The following GRIN2A variants were observed in gnomAD, a reference collection of about 807,000 sequenced individuals.
GRIN2A encodes the protein glutamate ionotropic receptor NMDA type subunit 2A, also known as glutamate receptor ionotropic, NMDA 2A.
A neutral mutation model predicts 113.4 loss-of-function variants in GRIN2A; 22 were observed. The ratio of observed to expected loss-of-function variants is 0.19; its 90% CI spans 0.14 to 0.28. The LOEUF (loss-of-function observed/expected upper bound fraction) is 0.28, where lower values mean the gene tolerates loss of function less well. Ranked by LOEUF, GRIN2A falls within the 10% of genes least tolerant of loss-of-function variation. The pLI is 1.00. For missense variants in GRIN2A, 1,502 were observed against 1,887.0 expected (o/e 0.80, Z 3.78); for synonymous variants, 827 against 738.4 (o/e 1.12, Z -1.94).
chr16:9,999,346 G>T (rs184386740), intron 2 of GRIN2A, among the ~76,000 whole-genome samples: 1 of 152,134 alleles, frequency 6.6e-6, no homozygotes, highest in African/African-American at 2.4e-5. Context: ...TAAGAATCAA[G>T]CTGTCCATCA....
intron 5 of GRIN2A, among the ~76,000 whole-genome samples, chr16:9,841,313 T>C (rs542802853): frequency 9.2e-5 from 14 of 152,328 alleles, no homozygotes; most frequent in Non-Finnish European, 1.8e-4. Context: ...CTAACACTTA[T>C]TGAGTAATTA....
intron 2 of GRIN2A, among the ~76,000 whole-genome samples, chr16:10,084,863 T>C (rs2142065249): frequency 6.6e-6 from 1 of 152,286 alleles, no homozygotes; most frequent in South Asian, 2.1e-4. Flanking sequence ...GGTCAGTGCC[T>C]GATACATAGT....
intron 2 of GRIN2A, among the ~76,000 whole-genome samples, chr16:10,076,221 C>T (rs1178118363): frequency 6.6e-6 from 1 of 152,154 alleles, no homozygotes; most frequent in Non-Finnish European, 1.5e-5. Flanking sequence ...GTCTGTCCTG[C>T]TGCTTGTGTT....
intron 2 of GRIN2A, among the ~76,000 whole-genome samples, chr16:9,973,796 A>C (rs72772157): frequency 1.3e-5 from 2 of 152,248 alleles, no homozygotes; most frequent in South Asian, 2.1e-4. Flanking sequence ...GGGAAAAAAA[A>C]CAAATTCTAT....
intron 2 of GRIN2A, among the ~76,000 whole-genome samples, chr16:9,942,531 C>T (rs1285055250): frequency 6.6e-6 from 1 of 152,158 alleles, no homozygotes; most frequent in African/African-American, 2.4e-5. Flanking sequence ...TCTGTCCACG[C>T]CTGACTTTGA....
At chr16:10,168,962 T>C (rs2049981669) in intron 2 of GRIN2A, among the ~76,000 whole-genome samples, 1 of 135,336 alleles carries the variant, frequency 7.4e-6, no homozygotes, top group African/African-American at 2.9e-5. Context: ...CAAAACTCTG[T>C]CTCAAATAAT....
chr16:9,974,655 G>C (rs2045740906), intron 2 of GRIN2A, among the ~76,000 whole-genome samples: 2 of 152,184 alleles, frequency 1.3e-5, no homozygotes, highest in South Asian at 4.1e-4. Context: ...TGCTACAAGG[G>C]GAATGAGTAG....
At chr16:9,867,508 C>T (rs2043180222) in intron 4 of GRIN2A, among the ~76,000 whole-genome samples, 1 of 152,188 alleles carries the variant, frequency 6.6e-6, no homozygotes, top group Non-Finnish European at 1.5e-5. Flanking sequence ...TCTCCTCTAG[C>T]CTAACACGCA....
intron 2 of GRIN2A, among the ~76,000 whole-genome samples, chr16:10,134,373 GT>G (rs902024072): frequency 1.3e-5 from 2 of 150,124 alleles, no homozygotes; most frequent in Non-Finnish European, 2.9e-5. Flanking sequence ...AGTTTTAACC[GT>G]CATTTCCTGC....
chr16:9,870,430 C>G (rs974800379), intron 4 of GRIN2A, among the ~76,000 whole-genome samples: 1 of 152,022 alleles, frequency 6.6e-6, no homozygotes, highest in African/African-American at 2.4e-5. Context: ...GAAGACACAT[C>G]CTAGCCAGAA....
intron 3 of GRIN2A, among the ~76,000 whole-genome samples, chr16:9,911,783 G>GA (rs1381302021): frequency 2.6e-5 from 4 of 152,076 alleles, no homozygotes; most frequent in East Asian, 1.9e-4. Context: ...TAATTCTACA[G>GA]AAAAAAACCT....
In GRIN2A at chr16:9,761,446, G is replaced by T. The variant is rs978922142; in HGVS notation, c.*1703C>A. The T allele has an allele frequency of 8.7e-6, 2 of 230,938 alleles. No individual in the cohort carries two copies. Among genetic ancestry groups the T allele is most frequent in the Non-Finnish European group, 1.7e-5 (2 of 116,816 alleles). 14.3% of individuals were successfully genotyped at this position (230,938 alleles called of 1,614,324 possible). On this transcript the variant is annotated 3_prime_UTR_variant, in exon 13 of 13. Coordinates refer to ENST00000330684, the MANE Select transcript of GRIN2A (RefSeq NM_001134407.3). Reference sequence around the variant, plus strand: ...TCCGTAATGGCCCAAAACAGACTGAGGTCTTCTGCAAACACTGATGGCTAG... The same window carrying T: ...TCCGTAATGGCCCAAAACAGACTGATGTCTTCTGCAAACACTGATGGCTAG...
chr16:10,004,409 A>G (rs1008911416), intron 2 of GRIN2A, among the ~76,000 whole-genome samples: 5 of 151,978 alleles, frequency 3.3e-5, no homozygotes, highest in Non-Finnish European at 2.9e-5. Context: ...AAGGACAATT[A>G]TGGGATGTTT....
intron 2 of GRIN2A, among the ~76,000 whole-genome samples, chr16:10,151,258 C>T (rs896657429): frequency 6.6e-6 from 1 of 152,162 alleles, no homozygotes; most frequent in African/African-American, 2.4e-5. Context: ...CTGCCTAGTC[C>T]CCTCAACCTC....
chr16:10,035,037 G>A (rs760435560), intron 2 of GRIN2A, among the ~76,000 whole-genome samples: 3 of 151,472 alleles, frequency 2.0e-5, no homozygotes, highest in Non-Finnish European at 4.4e-5. Flanking sequence ...TTCTTTTAAC[G>A]TGTTTAGAGA....
At chr16:9,996,507 C>G (rs1330156343) in intron 2 of GRIN2A, among the ~76,000 whole-genome samples, 1 of 152,196 alleles carries the variant, frequency 6.6e-6, no homozygotes, top group East Asian at 1.9e-4. Context: ...TTGCCTGAGG[C>G]CAGAGTGTCG....
intron 4 of GRIN2A, among the ~76,000 whole-genome samples, chr16:9,853,444 T>C (rs2042918003): frequency 6.6e-6 from 1 of 152,122 alleles, no homozygotes. Flanking sequence ...ACCATATCAG[T>C]ATGCAACAAG....
chr16:9,983,022 C>T lies in GRIN2A; in HGVS notation c.415-44471G>A, dbSNP rs183520362. On this transcript the variant is annotated intron_variant, in intron 2 of 12. Coordinates refer to ENST00000330684, the MANE Select transcript of GRIN2A (RefSeq NM_001134407.3). ...ATTGTATATTAATATTTATGGGGTA[C>T]GGTGTGATACTTCAATACATGTATA... Among the ~76,000 whole-genome samples the T allele has an allele frequency of 2.4e-4, 36 of 152,104 alleles. 1 individual carries two copies. The highest frequency in any genetic ancestry group is 1.7e-3 in the East Asian group (9 of 5,190).
At chr16:9,925,751 C>G (rs949233134) in intron 3 of GRIN2A, among the ~76,000 whole-genome samples, 1 of 152,170 alleles carries the variant, frequency 6.6e-6, no homozygotes, top group Non-Finnish European at 1.5e-5. Flanking sequence ...GGGGATATTA[C>G]AGTCCATCTT....
Sources: allele counts gnomAD v4.1 joint callset (sites outside exome capture counted in the v4.1 genomes callset), GRCh38; gene constraint gnomAD v4.1.1; transcripts MANE v1.5; gene names NCBI Gene and HGNC (gene_info 2026-07-23, HGNC 2026-07-21).